CDH13: variants seen among roughly 807,000 people sequenced by gnomAD.
CDH13 encodes cadherin 13.
CDH13 carries 24 observed loss-of-function variants against 63.8 expected under a neutral mutation model. That is an observed-to-expected ratio of 0.38 (90% CI 0.27 to 0.53). The LOEUF (loss-of-function observed/expected upper bound fraction) is 0.53. Ranked by LOEUF, CDH13 falls within the 20% of genes least tolerant of loss-of-function variation. The pLI, the probability that CDH13 is intolerant of heterozygous loss-of-function variation, is 0.85. For synonymous variants in CDH13, 503 were observed against 355.3 expected (o/e 1.42, Z -4.67); for missense variants, 1,049 against 903.1 (o/e 1.16, Z -2.07).
intron 7 of CDH13, among the ~76,000 whole-genome samples, chr16:83,508,051 GAGA>G (rs2074444990): frequency 8.5e-5 from 10 of 118,084 alleles, no homozygotes; most frequent in African/African-American, 3.2e-4. Context: ...AAGAGAGAAA[GAGA>G]AGAAGGAAGG....
chr16:83,607,799 T>C (rs1908483376), intron 8 of CDH13, among the ~76,000 whole-genome samples: 1 of 152,196 alleles, frequency 6.6e-6, no homozygotes, highest in African/African-American at 2.4e-5. Context: ...CATAAGGTAT[T>C]TTGAAATGAT....
intron 2 of CDH13, among the ~76,000 whole-genome samples, chr16:82,998,353 T>C (rs74030349): frequency 0.014 from 2,170 of 152,346 alleles, 36 homozygotes; most frequent in African/African-American, 0.05. Context: ...CAAAAAAGCA[T>C]TTCCAACTTT....
intron 8 of CDH13, among the ~76,000 whole-genome samples, chr16:83,607,515 C>A (rs188745633): frequency 6.6e-6 from 1 of 152,348 alleles, no homozygotes; most frequent in East Asian, 1.9e-4. Flanking sequence ...CCACATCTCT[C>A]CTATCCTCTG....
At chr16:82,897,898 T>C (rs2041323851) in intron 2 of CDH13, among the ~76,000 whole-genome samples, 1 of 152,232 alleles carries the variant, frequency 6.6e-6, no homozygotes, top group South Asian at 2.1e-4. Context: ...CAAACATTTA[T>C]CAAACTCCTT....
chr16:83,356,981 ACTTTT>A lies in CDH13; in HGVS notation c.781+11980_781+11984del. On this transcript the variant is annotated intron_variant, in intron 6 of 13. Coordinates refer to ENST00000567109, the MANE Select transcript of CDH13 (RefSeq NM_001257.5). ...GTTTTCTTTCTTGCTCCAGTTTTCCACTTTTCTTTAGTGTGTCACCATCTTTATCT... is the reference window on the plus strand; with the variant it reads ...GTTTTCTTTCTTGCTCCAGTTTTCCACTTTAGTGTGTCACCATCTTTATCT... Among the ~76,000 whole-genome samples the A allele has an allele frequency of 3.9e-5, 6 of 152,216 alleles. No individual in the cohort carries two copies. The South Asian group carries it at 1.2e-3, about 32-fold the overall frequency.
At chr16:83,732,240 G>A (rs565742715) in intron 10 of CDH13, among the ~76,000 whole-genome samples, 2 of 152,290 alleles carry the variant, frequency 1.3e-5, no homozygotes, top group East Asian at 3.9e-4. Flanking sequence ...TTAATGGGAT[G>A]GAGAGTAACT....
At chr16:82,902,172 C>G (rs1013764557) in intron 2 of CDH13, among the ~76,000 whole-genome samples, 3 of 152,118 alleles carry the variant, frequency 2.0e-5, no homozygotes, top group African/African-American at 7.2e-5. Flanking sequence ...TTGTTAAAAG[C>G]TTAAGAGACT....
chr16:83,406,341 C>T (rs191502490), intron 6 of CDH13, among the ~76,000 whole-genome samples: 12 of 152,276 alleles, frequency 7.9e-5, no homozygotes, highest in Admixed American at 2.6e-4. Context: ...CTCAAAAGCA[C>T]GCCTACACTC....
At chr16:83,477,715 G>A (rs2220474) in intron 6 of CDH13, among the ~76,000 whole-genome samples, 152,093 of 152,300 alleles carry the variant, frequency 1, 75,944 homozygotes, top group Non-Finnish European at 1. Flanking sequence ...CATCTAATTC[G>A]TGCCTTTGGG....
At chr16:83,108,474 C>T (rs934204936) in intron 3 of CDH13, among the ~76,000 whole-genome samples, 1 of 152,162 alleles carries the variant, frequency 6.6e-6, no homozygotes, top group Admixed American at 6.5e-5. Flanking sequence ...GCTTGCAGGT[C>T]TCCCGCCTCA....
At chr16:83,488,156 A>T (rs545641590) in intron 7 of CDH13, among the ~76,000 whole-genome samples, 2 of 152,350 alleles carry the variant, frequency 1.3e-5, no homozygotes, top group Admixed American at 1.3e-4. Context: ...TCACAGACAC[A>T]TCTCAAGTGC....
intron 4 of CDH13, among the ~76,000 whole-genome samples, chr16:83,155,853 G>C (rs1388752593): frequency 1.3e-5 from 2 of 152,182 alleles, no homozygotes; most frequent in African/African-American, 2.4e-5. Flanking sequence ...TCAAACCTTG[G>C]CTGCATTTTA....
At chr16:83,043,499 GT>G (rs1285315328) in intron 3 of CDH13, among the ~76,000 whole-genome samples, 14 of 135,706 alleles carry the variant, frequency 1.0e-4, no homozygotes, top group African/African-American at 3.3e-4. Flanking sequence ...GAGTGTGTGT[GT>G]GTGTGTGTGT....
chr16:83,232,568 G>A (rs78802292), intron 5 of CDH13, among the ~76,000 whole-genome samples: 4 of 141,932 alleles, frequency 2.8e-5, no homozygotes, highest in African/African-American at 1.2e-4. Flanking sequence ...AAAAAAAAAA[G>A]TGTGGCACCT....
At position 82,682,644 on chromosome 16, in the gene CDH13, CT is replaced by C. The variant is rs1331932055; in HGVS notation, c.45+55508del. Among the ~76,000 whole-genome samples the C allele has an allele frequency of 2.6e-5, 4 of 152,068 alleles. No individual in the cohort carries two copies. The East Asian group carries it at 7.7e-4, about 29-fold the overall frequency. On this transcript the variant is annotated intron_variant, in intron 1 of 13. Transcript: ENST00000567109. ...ACATGCTTCTGGCAATATTTGCCCC[CT>C]AGGAAATTCAAATAGGAAGTCTCCA...
intron 1 of CDH13, among the ~76,000 whole-genome samples, chr16:82,696,321 A>T (rs1377633971): frequency 6.6e-6 from 1 of 152,252 alleles, no homozygotes; most frequent in Non-Finnish European, 1.5e-5. Context: ...TATAAATGAA[A>T]GATTACTTTC....
intron 7 of CDH13, among the ~76,000 whole-genome samples, chr16:83,510,909 A>G (rs1304280948): frequency 2.0e-5 from 3 of 152,260 alleles, no homozygotes; most frequent in Admixed American, 6.5e-5. Flanking sequence ...ATTTCACACA[A>G]AATTTACCCT....
chr16:83,581,129 A>G (rs987436905), intron 7 of CDH13, among the ~76,000 whole-genome samples: 2 of 152,196 alleles, frequency 1.3e-5, no homozygotes, highest in East Asian at 3.8e-4. Flanking sequence ...GAAGGAGAAG[A>G]TCTTTTCTCT....
chr16:83,331,007 T>C (rs1378873735), intron 5 of CDH13, among the ~76,000 whole-genome samples: 2 of 152,242 alleles, frequency 1.3e-5, no homozygotes, highest in Non-Finnish European at 2.9e-5. Flanking sequence ...AGTGTTTTGC[T>C]AAATGCTTTA....
Sources: gnomAD v4.1 joint callset for allele counts (sites outside exome capture counted in the v4.1 genomes callset) on GRCh38, gnomAD v4.1.1 for gene constraint, MANE v1.5 for transcripts, NCBI Gene and HGNC (gene_info 2026-07-23, HGNC 2026-07-21) for gene names.